Variants in CBLN2 observed in about 807,000 individuals in gnomAD.
The protein encoded by CBLN2 is cerebellin-2.
In CBLN2, 7 loss-of-function variants were observed where a neutral mutation model predicts 15.0. The observed-to-expected ratio is 0.47, with a 90% CI of 0.27 to 0.88. CBLN2 has a LOEUF of 0.88. CBLN2 is among the 40% of genes least tolerant of loss of function. The pLI is 0.14. For synonymous variants in CBLN2, 149 were observed against 135.2 expected (o/e 1.10, Z -0.71); for missense variants, 242 against 304.5 (o/e 0.79, Z 1.53).
At position 72,543,961 on chromosome 18, in the gene CBLN2, C is replaced by T; in HGVS notation, c.-212+16G>A. 1 of 153,194 alleles carries T rather than the reference C, an allele frequency of 6.5e-6. No individual in the cohort carries two copies. 9.5% of individuals were successfully genotyped at this position (153,194 alleles called of 1,614,324 possible). On this transcript the variant is annotated intron_variant, in intron 1 of 4. Coordinates refer to ENST00000269503, the MANE Select transcript of CBLN2 (RefSeq NM_182511.4). This position sits in a 1 kb window ranked among gnomAD's most constrained non-coding sequence, Gnocchi z 6.8. The stretch of plus-strand genomic sequence containing the variant: ...CCCAAGCCCGCCGCACCCTCCAACG[C>T]CCCGGTCCTGCTCACCCAAACGCCC...
At chr18:72,605,951 A>C (rs1026895616) in intron 1 of CBLN2, among the ~76,000 whole-genome samples, 1 of 152,200 alleles carries the variant, frequency 6.6e-6, no homozygotes, top group Non-Finnish European at 1.5e-5. Context: ...TATTTAAAGA[A>C]TACCAGAGCC....
intron 1 of CBLN2, among the ~76,000 whole-genome samples, chr18:72,610,504 T>C (rs761408082): frequency 1.3e-5 from 2 of 152,212 alleles, no homozygotes; most frequent in Non-Finnish European, 2.9e-5. Flanking sequence ...ATATCTATCA[T>C]TGTGCATTTA....
At chr18:72,544,824 C>T (rs2069146814), upstream of CBLN2, among the ~76,000 whole-genome samples, 1 of 152,058 alleles carries the variant, frequency 6.6e-6, no homozygotes, top group Non-Finnish European at 1.5e-5. Flanking sequence ...GTCGGCACAA[C>T]GTTTGCACAG....
chr18:72,565,782 G>A (rs1568257281), intron 1 of CBLN2, among the ~76,000 whole-genome samples: 1 of 152,086 alleles, frequency 6.6e-6, no homozygotes, highest in East Asian at 1.9e-4. Context: ...GTCCTCAAAG[G>A]CACAGGTGAC....
intron 1 of CBLN2, among the ~76,000 whole-genome samples, chr18:72,570,996 A>C (rs532511964): frequency 4.6e-5 from 7 of 152,114 alleles, no homozygotes; most frequent in South Asian, 2.1e-4. Context: ...ATCTCTCTCT[A>C]TATATTATAT....
intron 1 of CBLN2, among the ~76,000 whole-genome samples, chr18:72,597,881 G>A (rs2069523372): frequency 6.6e-6 from 1 of 152,174 alleles, no homozygotes; most frequent in South Asian, 2.1e-4. Context: ...AAGGCAGAAG[G>A]GCTCTTTAGT....
chr18:72,627,079 T>G (rs369818673), intron 1 of CBLN2, among the ~76,000 whole-genome samples: 3 of 152,328 alleles, frequency 2.0e-5, no homozygotes, highest in South Asian at 2.1e-4. Context: ...TTTACTGTTG[T>G]GTGATATTCC....
intron 1 of CBLN2, among the ~76,000 whole-genome samples, chr18:72,563,070 G>T (rs1179753539): frequency 2.0e-5 from 3 of 152,280 alleles, no homozygotes; most frequent in South Asian, 4.1e-4. Flanking sequence ...CATAGATTTA[G>T]ATACAGACAT....
At chr18:72,552,104 T>C (rs1346933544) in intron 1 of CBLN2, among the ~76,000 whole-genome samples, 3 of 152,138 alleles carry the variant, frequency 2.0e-5, no homozygotes, top group African/African-American at 7.2e-5. Context: ...GATACTTTTT[T>C]TTTTTTTTTG....
chr18:72,586,372 T>C (rs1412001148), intron 1 of CBLN2, among the ~76,000 whole-genome samples: 3 of 152,202 alleles, frequency 2.0e-5, no homozygotes, highest in Non-Finnish European at 2.9e-5. Flanking sequence ...TTCTATACAC[T>C]AAAGGTGGGG....
chr18:72,556,167 T>C (rs2069225840), intron 1 of CBLN2, among the ~76,000 whole-genome samples: 1 of 152,182 alleles, frequency 6.6e-6, no homozygotes, highest in Non-Finnish European at 1.5e-5. Flanking sequence ...TCCCACTCCA[T>C]GCTGACTGGA....
At chr18:72,579,962 A>G (rs2069392250) in intron 1 of CBLN2, among the ~76,000 whole-genome samples, 1 of 152,106 alleles carries the variant, frequency 6.6e-6, no homozygotes, top group Non-Finnish European at 1.5e-5. Context: ...CAATAAAAAT[A>G]AAGTATTTTG....
chr18:72,621,573 A>G (rs1349617098), intron 1 of CBLN2, among the ~76,000 whole-genome samples: 3 of 152,158 alleles, frequency 2.0e-5, no homozygotes, highest in Non-Finnish European at 4.4e-5. Context: ...CTATTCAATT[A>G]TTTTTTAAAA....
At chr18:72,611,909 C>A (rs1599022682) in intron 1 of CBLN2, among the ~76,000 whole-genome samples, 1 of 152,194 alleles carries the variant, frequency 6.6e-6, no homozygotes, top group East Asian at 1.9e-4. Context: ...CTTGAGTTAA[C>A]TTTGGGATAT....
At chr18:72,617,999 G>A (rs1375631978) in intron 1 of CBLN2, among the ~76,000 whole-genome samples, 6 of 152,096 alleles carry the variant, frequency 3.9e-5, no homozygotes. Context: ...ATCAGAAAGG[G>A]AATTTTGGCT....
intron 1 of CBLN2, among the ~76,000 whole-genome samples, chr18:72,633,256 T>G (rs1457870231): frequency 6.6e-6 from 1 of 152,190 alleles, no homozygotes; most frequent in African/African-American, 2.4e-5. Context: ...TCTGTGTTGT[T>G]AAAACACTGT....
intron 1 of CBLN2, among the ~76,000 whole-genome samples, chr18:72,567,993 G>T (rs1419714044): frequency 6.6e-5 from 10 of 152,030 alleles, no homozygotes; most frequent in Admixed American, 5.9e-4. Flanking sequence ...GTTCTTTTTT[G>T]TTGTTGTTGT....
Position 72,584,028 on chromosome 18 carries a change from T to TGAA in CBLN2, c.16-45257_16-45256insTTC, listed in dbSNP as rs1599010426. Among the ~76,000 whole-genome samples the TGAA allele has an allele frequency of 2.0e-5, 3 of 152,346 alleles. No individual in the cohort carries two copies. The East Asian group carries it at 5.8e-4, about 29-fold the overall frequency. Reference sequence around the variant, plus strand: ...CATGACCTGGAGGGCCTGAAGGACCTGGCTCCTGCCTCTTTCCTCGCTCAG... The same window carrying TGAA: ...CATGACCTGGAGGGCCTGAAGGACCTGAAGGCTCCTGCCTCTTTCCTCGCTCAG... On this transcript the variant is annotated intron_variant, in intron 1 of 2. Transcript: ENST00000581073.
chr18:72,631,274 G>T (rs1415031959), intron 1 of CBLN2, among the ~76,000 whole-genome samples: 1 of 152,090 alleles, frequency 6.6e-6, no homozygotes, highest in African/African-American at 2.4e-5. Flanking sequence ...GCTCTGGAAA[G>T]AAGACAAGAG....
Sources: gnomAD v4.1 joint callset for allele counts (sites outside exome capture counted in the v4.1 genomes callset) on GRCh38, gnomAD v4.1.1 for gene constraint, Gnocchi (gnomAD v3.1) non-coding constraint, MANE v1.5 for transcripts, NCBI Gene and HGNC (gene_info 2026-07-23, HGNC 2026-07-21) for gene names.